SYT1: variants seen among roughly 807,000 people sequenced by gnomAD.
SYT1 encodes the protein synaptotagmin-1.
Under a neutral mutation model 44.8 loss-of-function variants are expected in SYT1, and 8 were observed. The ratio of observed to expected loss-of-function variants is 0.18; its 90% CI spans 0.10 to 0.32. The LOEUF is 0.32. Ranked by LOEUF, SYT1 falls within the 10% of genes least tolerant of loss-of-function variation. The probability of loss-of-function intolerance (pLI) is 1.00; values close to 1 mark genes in which losing one functional copy is unlikely to be tolerated. For missense variants in SYT1, 286 were observed against 509.3 expected (o/e 0.56, Z 4.22); for synonymous variants, 154 against 188.8 (o/e 0.82, Z 1.51).
Position 78,877,012 on chromosome 12 carries a change from G to C in SYT1, c.-217+11903G>C, listed in dbSNP as rs138584650. ...TGCCAGTTTTTCAGAATTTTGCGAT[G>C]ACATTTTTATCATCTCTGACTCTTC... On this transcript the variant is annotated intron_variant, in intron 1 of 10. Transcript: ENST00000261205. 7.3e-3 allele frequency among the ~76,000 whole-genome samples: 794 copies of C among 109,432 alleles called. 3 individuals carry two copies. Among genetic ancestry groups the C allele is most frequent in the Non-Finnish European group, 0.012 (657 of 53,196 alleles). 71.8% of individuals were successfully genotyped at this position (109,432 alleles called of 152,430 possible). A position where few individuals can be genotyped will look rare whatever the true frequency, so the allele number is the denominator to read the frequency against.
chr12:78,901,229 C>T (rs997826739), intron 1 of SYT1, among the ~76,000 whole-genome samples: 1 of 152,150 alleles, frequency 6.6e-6, no homozygotes, highest in Admixed American at 6.6e-5. Context: ...GATAAAACTA[C>T]TTATTTTCTA....
At position 79,217,554 on chromosome 12, in the gene SYT1, C is replaced by T; in HGVS notation, c.35C>T (p.Ala12Val). The change falls in exon 4 of 11, where the codon GCC (alanine) becomes GTC (valine). Residue 12 changes from alanine (A) to valine (V), a missense_variant. This residue lies in a region of SYT1 where 141 missense variants were observed against 165.7 expected (regional missense o/e 0.85). Transcript: ENST00000261205. ...GAGAGTCACCATGAGGCCCTGGCAG[C>T]CCCGCCTGTCACCACTGTCGCGACT... Reference protein sequence around the residue: ...VSESHHEALAAPPVTTVATVL... With the variant: ...VSESHHEALAVPPVTTVATVL... 1 of 1,607,092 alleles carries T rather than the reference C, an allele frequency of 6.2e-7. No individual in the cohort carries two copies. Among genetic ancestry groups the T allele is most frequent in the East Asian group, 2.3e-5 (1 of 44,428 alleles).
intron 1 of SYT1, among the ~76,000 whole-genome samples, chr12:78,963,202 A>C (rs763718049): frequency 2.6e-5 from 4 of 152,010 alleles, no homozygotes; most frequent in Non-Finnish European, 5.9e-5. Context: ...TTTCTTATCC[A>C]TTTATCTGTA....
intron 3 of SYT1, among the ~76,000 whole-genome samples, chr12:79,160,590 G>A (rs1870888987): frequency 6.6e-6 from 1 of 152,070 alleles, no homozygotes; most frequent in South Asian, 2.1e-4. Flanking sequence ...GAGATACAGA[G>A]AAGTTAAGAA....
intron 9 of SYT1, among the ~76,000 whole-genome samples, chr12:79,395,751 G>T (rs1266835381): frequency 6.6e-6 from 1 of 151,210 alleles, no homozygotes; most frequent in South Asian, 2.1e-4. Context: ...TCTATGTGTA[G>T]TAAGCACTTT....
chr12:79,146,053 G>A (rs1018541004), intron 3 of SYT1, among the ~76,000 whole-genome samples: 2 of 152,122 alleles, frequency 1.3e-5, no homozygotes, highest in African/African-American at 4.8e-5. Context: ...CACCGCGCCC[G>A]GCCTAAACAT....
chr12:79,226,825 T>G (rs966440182), intron 4 of SYT1, among the ~76,000 whole-genome samples: 5 of 152,154 alleles, frequency 3.3e-5, no homozygotes, highest in African/African-American at 1.2e-4. Context: ...GCCTATATAA[T>G]TGACATTTCT....
In SYT1 at chr12:79,179,103, TATATAG is replaced by T. The variant is rs1282266306; in HGVS notation, c.-17-38376_-17-38371del. Among the ~76,000 whole-genome samples, 111 of 123,902 alleles carry T rather than the reference TATATAG, an allele frequency of 9.0e-4. 4 individuals carry two copies. The highest frequency in any genetic ancestry group is 8.5e-3 in the East Asian group (30 of 3,526). The allele number at this position is 123,902 out of a possible 152,430, so 81.3% of individuals were successfully genotyped here. A position where few individuals can be genotyped will look rare whatever the true frequency, so the allele number is the denominator to read the frequency against. On this transcript the variant is annotated intron_variant, in intron 3 of 10. Transcript: ENST00000261205. ...ATAGATATAGATATATAGATATAGATATATAGATATAGATATAGATATAGATATATA... is the reference window on the plus strand; with the variant it reads ...ATAGATATAGATATATAGATATAGATATATAGATATAGATATAGATATATA...
At chr12:79,380,192 A>G (rs1884159007) in intron 9 of SYT1, among the ~76,000 whole-genome samples, 1 of 152,212 alleles carries the variant, frequency 6.6e-6, no homozygotes, top group South Asian at 2.1e-4. Context: ...AAAAAATAAG[A>G]GAAAATGCAG....
chr12:78,919,469 C>T (rs1485328499), intron 1 of SYT1, among the ~76,000 whole-genome samples: 1 of 152,062 alleles, frequency 6.6e-6, no homozygotes, highest in Non-Finnish European at 1.5e-5. Context: ...CAGCCTTTGA[C>T]CCCTGGGCTG....
At chr12:79,159,166 G>A (rs1419480619) in intron 3 of SYT1, among the ~76,000 whole-genome samples, 1 of 152,162 alleles carries the variant, frequency 6.6e-6, no homozygotes, top group Non-Finnish European at 1.5e-5. Context: ...TCCAAAGCAA[G>A]GAAAGAGAGG....
At chr12:79,110,273 A>G (rs1878942318) in intron 3 of SYT1, among the ~76,000 whole-genome samples, 1 of 152,118 alleles carries the variant, frequency 6.6e-6, no homozygotes, top group Admixed American at 6.5e-5. Context: ...AAGTGAGCTG[A>G]CCTCCAATAT....
intron 4 of SYT1, among the ~76,000 whole-genome samples, chr12:79,237,024 GGTAGAATGGATTGTGA>G (rs1415634144): frequency 8.5e-5 from 13 of 152,166 alleles, no homozygotes; most frequent in Non-Finnish European, 1.8e-4. Flanking sequence ...GCAGTGTGTG[GGTAGAATGGATTGTGA>G]CGGGGGAACC....
intron 1 of SYT1, among the ~76,000 whole-genome samples, chr12:78,955,999 G>A (rs1879196040): frequency 6.6e-6 from 1 of 152,008 alleles, no homozygotes; most frequent in Non-Finnish European, 1.5e-5. Context: ...GGTGATAAAA[G>A]AGGTCAAGGT....
At chr12:79,166,996 T>C (rs1397816191) in intron 3 of SYT1, among the ~76,000 whole-genome samples, 1 of 152,076 alleles carries the variant, frequency 6.6e-6, no homozygotes, top group East Asian at 1.9e-4. Context: ...AAGTGCTTTA[T>C]AAACAATGAA....
At chr12:79,257,704 A>C (rs1877603950) in intron 4 of SYT1, among the ~76,000 whole-genome samples, 2 of 152,064 alleles carry the variant, frequency 1.3e-5, no homozygotes, top group African/African-American at 4.8e-5. Context: ...AGCCAGGATG[A>C]TCTCGATCTC....
At chr12:79,236,314 A>T (rs948039096) in intron 4 of SYT1, among the ~76,000 whole-genome samples, 1 of 152,028 alleles carries the variant, frequency 6.6e-6, no homozygotes, top group African/African-American at 2.4e-5. Context: ...TTTAACCCCA[A>T]CCTACCTTTC....
intron 4 of SYT1, among the ~76,000 whole-genome samples, chr12:79,279,722 T>C (rs1044338081): frequency 6.6e-6 from 1 of 152,050 alleles, no homozygotes; most frequent in Non-Finnish European, 1.5e-5. Flanking sequence ...ACTGTCTCTG[T>C]TGGCTGTTGA....
At chr12:78,876,667 G>A (rs1874099041) in intron 1 of SYT1, among the ~76,000 whole-genome samples, 1 of 109,808 alleles carries the variant, frequency 9.1e-6, no homozygotes, top group African/African-American at 4.3e-5. Context: ...GTGTGCACAT[G>A]TGTACATGTG....
Sources: gnomAD v4.1 joint callset for allele counts (sites outside exome capture counted in the v4.1 genomes callset) on GRCh38, gnomAD v4.1.1 for gene constraint, gnomAD v4.1.1 regional missense constraint, MANE v1.5 for transcripts, NCBI Gene and HGNC (gene_info 2026-07-23, HGNC 2026-07-21) for gene names.